DCC: variants seen among roughly 807,000 people sequenced by gnomAD.
DCC encodes DCC netrin 1 receptor, also known as netrin receptor DCC.
In DCC, 58 loss-of-function variants were observed where a neutral mutation model predicts 172.5. The ratio of observed to expected loss-of-function variants is 0.34; its 90% confidence interval spans 0.27 to 0.42. The LOEUF (loss-of-function observed/expected upper bound fraction) is 0.42, where lower values mean the gene tolerates loss of function less well. Among genes scored for constraint, DCC ranks in the 10% least tolerant of loss-of-function variants. DCC has a pLI of 1.00. For missense variants in DCC, 1,740 were observed against 1,791.0 expected (o/e 0.97, Z 0.51); for synonymous variants, 709 against 644.5 (o/e 1.10, Z -1.52).
chr18:53,099,375 C>A (rs2043130280), intron 7 of DCC, among the ~76,000 whole-genome samples: 1 of 152,226 alleles, frequency 6.6e-6, no homozygotes, highest in African/African-American at 2.4e-5. Flanking sequence ...CTTCTAGCTT[C>A]CTACTATGCC....
rs114363197 is a variant in DCC, at chr18:52,437,112, A to C, written c.91+96234A>C. ...ATGGACCACTACTGTATAGGTATTC[A>C]CAATGAAGTAGGCATTACTTTTTAA... On this transcript the variant is annotated intron_variant, in intron 1 of 28. Transcript: ENST00000442544. Among the ~76,000 whole-genome samples, 1,044 of 152,316 alleles carry C rather than the reference A, an allele frequency of 6.9e-3. 19 individuals are homozygous for C. The highest frequency in any genetic ancestry group is 0.023 in the African/African-American group (945 of 41,556).
intron 1 of DCC, among the ~76,000 whole-genome samples, chr18:52,630,547 G>A (rs2034655561): frequency 1.3e-5 from 2 of 152,274 alleles, no homozygotes; most frequent in South Asian, 4.1e-4. Flanking sequence ...AAGATACATG[G>A]TAAATGCCAG....
intron 5 of DCC, among the ~76,000 whole-genome samples, chr18:53,047,270 A>ATAATTT (rs1555700593): frequency 8.1e-5 from 1 of 12,366 alleles, no homozygotes; most frequent in African/African-American, 6.1e-4. Flanking sequence ...ATATATATAT[A>ATAATTT]TATATATATA....
At chr18:53,050,411 G>A (rs2144036120) in intron 5 of DCC, among the ~76,000 whole-genome samples, 1 of 152,202 alleles carries the variant, frequency 6.6e-6, no homozygotes, top group African/African-American at 2.4e-5. Context: ...CCGTGACCAT[G>A]GAATGTTTTC....
chr18:52,874,268 G>A (rs554218126), intron 2 of DCC, among the ~76,000 whole-genome samples: 2 of 152,140 alleles, frequency 1.3e-5, no homozygotes, highest in South Asian at 4.2e-4. Flanking sequence ...TTTAATGACA[G>A]ACAAAGAAGA....
At chr18:53,022,569 G>GTGTGTA (rs1469338569) in intron 5 of DCC, among the ~76,000 whole-genome samples, 15 of 150,970 alleles carry the variant, frequency 9.9e-5, no homozygotes, top group African/African-American at 3.6e-4. Context: ...GTGTGTGTGT[G>GTGTGTA]TATCACTAAC....
chr18:53,353,880 A>G (rs186450766), intron 15 of DCC, among the ~76,000 whole-genome samples: 3 of 152,168 alleles, frequency 2.0e-5, no homozygotes, highest in East Asian at 1.9e-4. Context: ...TTAACTTGTC[A>G]TTTACATTAC....
chr18:52,623,976 T>C (rs1243165272), intron 1 of DCC, among the ~76,000 whole-genome samples: 1 of 152,134 alleles, frequency 6.6e-6, no homozygotes, highest in Non-Finnish European at 1.5e-5. Context: ...TTCTTTTGAA[T>C]CCGCTTCTTT....
chr18:52,593,918 G>A (rs528039653), intron 1 of DCC, among the ~76,000 whole-genome samples: 17 of 152,254 alleles, frequency 1.1e-4, no homozygotes, highest in Middle Eastern at 3.4e-3. Context: ...AGCTCCTGAG[G>A]GATATAAACA....
At chr18:53,117,875 C>G (rs973436504) in intron 7 of DCC, among the ~76,000 whole-genome samples, 21 of 151,708 alleles carry the variant, frequency 1.4e-4, no homozygotes, top group Non-Finnish European at 2.8e-4. Flanking sequence ...CTTGTCACGT[C>G]ATGAACTGTT....
chr18:53,351,719 A>G (rs1454269191), intron 15 of DCC, among the ~76,000 whole-genome samples: 1 of 151,494 alleles, frequency 6.6e-6, no homozygotes, highest in Non-Finnish European at 1.5e-5. Context: ...TTTCTTCATC[A>G]TCTCTGTTTT....
At chr18:53,356,118 G>C (rs764174344) in intron 15 of DCC, among the ~76,000 whole-genome samples, 12 of 151,960 alleles carry the variant, frequency 7.9e-5, no homozygotes, top group Non-Finnish European at 1.6e-4. Flanking sequence ...GCGGTGGTGT[G>C]ATCATGGCTC....
At chr18:53,450,709 G>C in intron 23 of DCC, 47 bp downstream of exon 23, 1 of 1,503,042 alleles carries the variant, frequency 6.7e-7, no homozygotes, top group Non-Finnish European at 9.2e-7. Flanking sequence ...TTGTCTTTTG[G>C]GGTTATATTT....
At chr18:52,896,402 G>C (rs2039730266) in intron 2 of DCC, among the ~76,000 whole-genome samples, 1 of 152,118 alleles carries the variant, frequency 6.6e-6, no homozygotes, top group South Asian at 2.1e-4. Context: ...ACCTCTTTCA[G>C]TCACCAAAGA....
intron 1 of DCC, among the ~76,000 whole-genome samples, chr18:52,502,681 A>C (rs1183570980): frequency 6.6e-6 from 1 of 152,178 alleles, no homozygotes; most frequent in African/African-American, 2.4e-5. Context: ...GAAGCTGACA[A>C]ATACTTACTT....
intron 15 of DCC, among the ~76,000 whole-genome samples, chr18:53,351,330 ATACAGT>A (rs2057795701): frequency 2.0e-5 from 1 of 49,138 alleles, no homozygotes; most frequent in Non-Finnish European, 4.1e-5. Context: ...GTATATATAT[ATACAGT>A]GTATATATAT....
chr18:53,370,534 C>T (rs887594881), intron 15 of DCC, among the ~76,000 whole-genome samples: 3 of 151,660 alleles, frequency 2.0e-5, no homozygotes, highest in Non-Finnish European at 4.4e-5. Context: ...AACTTTACCC[C>T]AGCACTACTT....
chr18:53,214,952 A>G (rs2055824537), intron 11 of DCC, among the ~76,000 whole-genome samples: 1 of 152,198 alleles, frequency 6.6e-6, no homozygotes, highest in Admixed American at 6.5e-5. Context: ...ACAAAGAAAA[A>G]TATACTGCTG....
At position 53,107,450 on chromosome 18, in the gene DCC, T is replaced by C. The variant is rs570332290; in HGVS notation, c.1261+41284T>C. Among the ~76,000 whole-genome samples, 11 of 149,214 alleles carry C rather than the reference T, an allele frequency of 7.4e-5. No individual in the cohort carries two copies. The Admixed American group carries it at 7.5e-4, about 10-fold the overall frequency. ...GAACTCTAAATTGAAAAACTTTAAA[T>C]GACTATCCTATAGAAGAGAATTGTG... is the stretch of plus-strand genomic sequence containing the variant. On this transcript the variant is annotated intron_variant, in intron 7 of 28. Transcript: ENST00000442544.
Sources: gnomAD v4.1 joint callset for allele counts (sites outside exome capture counted in the v4.1 genomes callset) on GRCh38, gnomAD v4.1.1 for gene constraint, MANE v1.5 for transcripts, NCBI Gene and HGNC (gene_info 2026-07-23, HGNC 2026-07-21) for gene names.